SGCZ: variants seen among roughly 807,000 people sequenced by gnomAD.
SGCZ encodes zeta-sarcoglycan.
SGCZ carries 40 observed loss-of-function variants against 41.3 expected under a neutral mutation model. The ratio of observed to expected loss-of-function variants is 0.97; its 90% confidence interval spans 0.75 to 1.26. The LOEUF (loss-of-function observed/expected upper bound fraction) is 1.26. Among genes scored for constraint, SGCZ ranks in the 50% most tolerant of loss-of-function variants. The pLI is 0.00. For missense variants in SGCZ, 552 were observed against 369.8 expected, an observed-to-expected ratio of 1.49 and a Z score of -4.04; for synonymous variants, 206 against 137.5, an observed-to-expected ratio of 1.50 and a Z score of -3.49.
At chr8:14,279,757 T>A (rs1268797566) in intron 3 of SGCZ, among the ~76,000 whole-genome samples, 1 of 151,924 alleles carries the variant, frequency 6.6e-6, no homozygotes, top group Non-Finnish European at 1.5e-5. Context: ...ACAGCCTCAT[T>A]AACAACCATT....
intron 1 of SGCZ, among the ~76,000 whole-genome samples, chr8:14,982,938 G>A (rs193231722): frequency 2.6e-5 from 4 of 152,226 alleles, no homozygotes; most frequent in Admixed American, 1.3e-4. Flanking sequence ...AGCAAATTCC[G>A]GAGACAGAGG....
intron 1 of SGCZ, among the ~76,000 whole-genome samples, chr8:14,964,874 T>C (rs1029271241): frequency 1.1e-4 from 17 of 152,106 alleles, no homozygotes; most frequent in Middle Eastern, 3.2e-3. Flanking sequence ...GCAGGTTATG[T>C]GGGCGCTTCT....
chr8:14,781,334 C>A (rs529486422), intron 1 of SGCZ, among the ~76,000 whole-genome samples: 16 of 152,092 alleles, frequency 1.1e-4, no homozygotes, highest in Non-Finnish European at 2.1e-4. Context: ...CAGGTTCTAG[C>A]GATTCTTTCT....
chr8:14,277,444 G>C (rs1352541334), intron 3 of SGCZ, among the ~76,000 whole-genome samples: 1 of 152,038 alleles, frequency 6.6e-6, no homozygotes, highest in East Asian at 1.9e-4. Flanking sequence ...GCTATTTCTA[G>C]ACCAAAAGTG....
intron 2 of SGCZ, among the ~76,000 whole-genome samples, chr8:14,393,379 G>A (rs1414593714): frequency 6.6e-6 from 1 of 152,100 alleles, no homozygotes; most frequent in Non-Finnish European, 1.5e-5. Context: ...GTTCAAGATG[G>A]CGACTCCATC....
chr8:14,644,110 C>T (rs1807121311), intron 1 of SGCZ, among the ~76,000 whole-genome samples: 1 of 151,570 alleles, frequency 6.6e-6, no homozygotes. Context: ...ATTTTCTTAC[C>T]TATTGTGATG....
At chr8:15,156,131 G>A (rs1799324328) in intron 1 of SGCZ, among the ~76,000 whole-genome samples, 1 of 151,014 alleles carries the variant, frequency 6.6e-6, no homozygotes, top group East Asian at 1.9e-4. Flanking sequence ...ATTTCTAGAT[G>A]CCACATTTAT....
chr8:14,340,448 G>A (rs1435712163), intron 2 of SGCZ, among the ~76,000 whole-genome samples: 1 of 151,938 alleles, frequency 6.6e-6, no homozygotes, highest in Non-Finnish European at 1.5e-5. Context: ...CGTATTTATT[G>A]CAACACATTA....
chr8:14,495,368 G>A (rs1349719908), intron 2 of SGCZ, among the ~76,000 whole-genome samples: 1 of 152,152 alleles, frequency 6.6e-6, no homozygotes, highest in Non-Finnish European at 1.5e-5. Context: ...AAATTAGCAT[G>A]CTTATTGACA....
At chr8:14,496,436 G>T (rs899370381) in intron 2 of SGCZ, among the ~76,000 whole-genome samples, 2 of 152,102 alleles carry the variant, frequency 1.3e-5, no homozygotes, top group African/African-American at 4.8e-5. Flanking sequence ...GTAGTAAGTA[G>T]TATCTTGAGT....
intron 2 of SGCZ, among the ~76,000 whole-genome samples, chr8:14,353,039 C>A (rs1444008337): frequency 6.6e-6 from 1 of 151,884 alleles, no homozygotes; most frequent in Non-Finnish European, 1.5e-5. Context: ...CTCTATGGAC[C>A]AACCAAAATT....
At chr8:15,057,244 T>A (rs538412049) in intron 1 of SGCZ, among the ~76,000 whole-genome samples, 5 of 152,288 alleles carry the variant, frequency 3.3e-5, no homozygotes, top group African/African-American at 1.2e-4. Flanking sequence ...ATACCCTATG[T>A]TGAGCAAGAA....
intron 1 of SGCZ, among the ~76,000 whole-genome samples, chr8:15,114,111 A>G (rs1294411230): frequency 1.3e-5 from 2 of 152,210 alleles, no homozygotes; most frequent in Non-Finnish European, 2.9e-5. Context: ...AATTCTATTT[A>G]ATGTAACCCT....
chr8:14,333,743 C>A (rs557046916), intron 2 of SGCZ, among the ~76,000 whole-genome samples: 4 of 151,282 alleles, frequency 2.6e-5, no homozygotes, highest in African/African-American at 9.7e-5. Flanking sequence ...TTTAAATACA[C>A]CAGGGAAATA....
intron 1 of SGCZ, among the ~76,000 whole-genome samples, chr8:15,154,362 G>A (rs1308243317): frequency 6.6e-6 from 1 of 152,152 alleles, no homozygotes; most frequent in Non-Finnish European, 1.5e-5. Flanking sequence ...GAGCAAAAAT[G>A]GGACCACCCA....
At chr8:14,225,756 A>G (rs1164391447) in intron 4 of SGCZ, among the ~76,000 whole-genome samples, 1 of 152,100 alleles carries the variant, frequency 6.6e-6, no homozygotes, top group African/African-American at 2.4e-5. Context: ...AATGATGGCC[A>G]CCTCAACTGG....
chr8:15,187,555 A>G, intron 1 of SGCZ, among the ~76,000 whole-genome samples: 1 of 152,036 alleles, frequency 6.6e-6, no homozygotes, highest in East Asian at 1.9e-4. Context: ...TGTAAATAGT[A>G]TTTATGACAG....
intron 2 of SGCZ, among the ~76,000 whole-genome samples, chr8:14,459,347 A>G (rs1484756743): frequency 6.6e-6 from 1 of 152,108 alleles, no homozygotes; most frequent in African/African-American, 2.4e-5. Flanking sequence ...CAGCACACCA[A>G]CATGGCACAT....
intron 1 of SGCZ, among the ~76,000 whole-genome samples, chr8:14,736,537 T>A (rs186717928): frequency 3.9e-4 from 59 of 152,162 alleles, no homozygotes; most frequent in African/African-American, 1.4e-3. Flanking sequence ...ATGAGTAAGT[T>A]CTTCAGTGGT....
Sources: gnomAD v4.1 joint callset for allele counts (sites outside exome capture counted in the v4.1 genomes callset) on GRCh38, gnomAD v4.1.1 for gene constraint, MANE v1.5 for transcripts, NCBI Gene and HGNC (gene_info 2026-07-23, HGNC 2026-07-21) for gene names.